TRIM39: variants seen among roughly 807,000 people sequenced by gnomAD.
TRIM39 encodes E3 ubiquitin-protein ligase TRIM39.
In TRIM39, 5 loss-of-function variants were observed where a neutral mutation model predicts 53.6. The observed-to-expected ratio is 0.09, with a 90% CI of 0.05 to 0.20. TRIM39 has a LOEUF of 0.20. Ranked by LOEUF, TRIM39 falls within the 10% of genes least tolerant of loss-of-function variation. TRIM39 has a pLI of 1.00. For synonymous variants in TRIM39, 196 were observed against 237.6 expected, an observed-to-expected ratio of 0.82 and a Z score of 1.61; for missense variants, 310 against 621.0, an observed-to-expected ratio of 0.50 and a Z score of 5.32.
chr6:30,333,231 A>G (rs1415222813), intron 4 of TRIM39, among the ~76,000 whole-genome samples: 1 of 152,102 alleles, frequency 6.6e-6, no homozygotes, highest in African/African-American at 2.4e-5. Context: ...TAACAATATA[A>G]TCTTGGGTTT....
At chr6:30,340,667 A>G (rs867800553) in intron 7 of TRIM39, 47 bp downstream of exon 7, 1 of 1,582,422 alleles carries the variant, frequency 6.3e-7, no homozygotes, top group Non-Finnish European at 8.6e-7. Flanking sequence ...TAGAGAGAAG[A>G]AAGTTTTTAG....
At position 30,339,695 on chromosome 6, in the gene TRIM39, A is replaced by G. The variant is rs1787268834; in HGVS notation, c.781-213A>G. 6.6e-6 allele frequency among the ~76,000 whole-genome samples: 1 copy of G among 152,210 alleles called. No individual in the cohort carries two copies. The highest frequency in any genetic ancestry group is 1.5e-5 in the Non-Finnish European group (1 of 68,038). On this transcript the variant is annotated intron_variant, in intron 5 of 7. Coordinates refer to ENST00000396551, the Ensembl canonical transcript of TRIM39. The surrounding 1 kb of genome is among the most constrained non-coding windows in gnomAD (Gnocchi z 4.2). ...AAATCATTGGGAAGTGATATAAATGACCAAGCTTCATGATGACCAGAAGTT... is the reference window on the plus strand; with the variant it reads ...AAATCATTGGGAAGTGATATAAATGGCCAAGCTTCATGATGACCAGAAGTT...
intron 1 of TRIM39, among the ~76,000 whole-genome samples, chr6:30,328,040 G>A (rs1197583824): frequency 2.0e-4 from 30 of 152,202 alleles, no homozygotes; most frequent in Admixed American, 1.9e-3. Flanking sequence ...ACTTACCCAT[G>A]GCTAAAAGTA....
chr6:30,340,299 A>G (rs527583830), intron 6 of TRIM39: 3 of 1,612,952 alleles, frequency 1.9e-6, no homozygotes, highest in South Asian at 2.2e-5. Context: ...TCGGAGGCTC[A>G]CTCTCAACGA....
Position 30,342,374 on chromosome 6 carries a change from GGAGA to G in TRIM39, c.*116_*119del. On this transcript the variant is annotated 3_prime_UTR_variant, in exon 8 of 8. Coordinates refer to ENST00000396551, the Ensembl canonical transcript of TRIM39. This position sits in a 1 kb window ranked among gnomAD's most constrained non-coding sequence, Gnocchi z 4.7. ...CCTGGGTCCAGTCCTGAATCATCTTGGAGAAACACCTTGGTTTCTAGGATGGTTT... is the reference window on the plus strand; with the variant it reads ...CCTGGGTCCAGTCCTGAATCATCTTGAACACCTTGGTTTCTAGGATGGTTT... 1 of 1,115,500 alleles carries G rather than the reference GGAGA, an allele frequency of 9.0e-7. No individual in the cohort carries two copies. The highest frequency in any genetic ancestry group is 1.5e-5 in the South Asian group (1 of 66,900). 69.1% of individuals were successfully genotyped at this position (1,115,500 alleles called of 1,614,324 possible).
intron 4 of TRIM39, among the ~76,000 whole-genome samples, chr6:30,332,951 AT>A (rs1490310335): frequency 2.6e-5 from 4 of 152,216 alleles, no homozygotes; most frequent in Non-Finnish European, 4.4e-5. Flanking sequence ...ATAATGTTAA[AT>A]TTTAAAGAGT....
chr6:30,330,829 A>T, exon 4 of TRIM39: 2 of 1,614,176 alleles, frequency 1.2e-6, no homozygotes, highest in South Asian at 1.1e-5. Flanking sequence ...GCTGCAGGAG[A>T]TCACTCGCTG....
At chr6:30,326,716 G>C (rs1317677283) in exon 1 of TRIM39, 1 of 152,984 alleles carries the variant, frequency 6.5e-6, no homozygotes, top group African/African-American at 2.4e-5. Flanking sequence ...CTGGACGCCA[G>C]CATCTCAGCC....
chr6:30,337,871 A>G (rs1787054881), intron 5 of TRIM39, among the ~76,000 whole-genome samples: 1 of 152,234 alleles, frequency 6.6e-6, no homozygotes, highest in African/African-American at 2.4e-5. Flanking sequence ...TGTTTAGTGT[A>G]GCCACCTTCA....
At chr6:30,334,272 C>G (rs1466367003) in intron 4 of TRIM39, among the ~76,000 whole-genome samples, 1 of 150,286 alleles carries the variant, frequency 6.7e-6, no homozygotes, top group Non-Finnish European at 1.5e-5. Context: ...CTGCTTCTCA[C>G]TTTGCTTCAT....
In TRIM39 at chr6:30,339,784, T is replaced by A; in HGVS notation, c.781-124T>A. On this transcript the variant is annotated intron_variant, in intron 5 of 7. Coordinates refer to ENST00000396551, the Ensembl canonical transcript of TRIM39. The surrounding 1 kb of genome is among the most constrained non-coding windows in gnomAD (Gnocchi z 4.2). The stretch of plus-strand genomic sequence containing the variant: ...CCGCTGGAGCTCTTCTTGCACTGTG[T>A]GACCCTCAGTTTATCCTATCCCTAT... 2 of 1,340,688 alleles carry A rather than the reference T, an allele frequency of 1.5e-6. No individual in the cohort carries two copies. The allele number at this position is 1,340,688 out of a possible 1,614,324, so 83.0% of individuals were successfully genotyped here.
chr6:30,341,731 T>C (rs2074474), exon 8 of TRIM39: 407,136 of 1,611,674 alleles, frequency 0.25, 56,734 homozygotes, highest in East Asian at 0.52. Context: ...CCCTGGACCC[T>C]GAGACAGCTC....
At position 30,335,303 on chromosome 6, in the gene TRIM39, G is replaced by A. The variant is rs895550205; in HGVS notation, c.550-442G>A. Reference sequence around the variant, plus strand: ...CATTTTCTTTCTTTCTTTTCTTTCTGTCTTTGTCTTTCTGTCTTTCTTTCC... The same window carrying A: ...CATTTTCTTTCTTTCTTTTCTTTCTATCTTTGTCTTTCTGTCTTTCTTTCC... On this transcript the variant is annotated intron_variant, in intron 4 of 7. Coordinates refer to ENST00000396551, the Ensembl canonical transcript of TRIM39. The surrounding 1 kb of genome is among the most constrained non-coding windows in gnomAD (Gnocchi z 4.7). Among the ~76,000 whole-genome samples the A allele has an allele frequency of 6.6e-6, 1 of 151,798 alleles. No homozygotes were observed. The highest frequency in any genetic ancestry group is 1.5e-5 in the Non-Finnish European group (1 of 67,968).
chr6:30,329,861 A>G (rs1785907391), intron 3 of TRIM39, 91 bp downstream of exon 3: 2 of 1,476,964 alleles, frequency 1.4e-6, no homozygotes, highest in African/African-American at 1.4e-5. Context: ...GTAAGCTCCT[A>G]CTACTCACTT....
At chr6:30,332,540 GC>G (rs1209994017) in intron 4 of TRIM39, among the ~76,000 whole-genome samples, 14 of 152,172 alleles carry the variant, frequency 9.2e-5, no homozygotes, top group Admixed American at 9.2e-4. Context: ...ATACATTTTA[GC>G]AAAGTAAGCA....
chr6:30,339,798 T>C lies in TRIM39; in HGVS notation c.781-110T>C. The C allele has an allele frequency of 6.8e-7, 1 of 1,462,154 alleles. No homozygotes were observed. Among genetic ancestry groups the C allele is most frequent in the Non-Finnish European group, 9.5e-7 (1 of 1,054,898 alleles). 90.6% of individuals were successfully genotyped at this position (1,462,154 alleles called of 1,614,324 possible). ...CTTGCACTGTGTGACCCTCAGTTTA[T>C]CCTATCCCTATTTTATAGCTGTGGA... On this transcript the variant is annotated intron_variant, in intron 5 of 7. Transcript: ENST00000396551. This position sits in a 1 kb window ranked among gnomAD's most constrained non-coding sequence, Gnocchi z 4.2.
At chr6:30,328,133 G>A (rs763859456) in intron 1 of TRIM39, among the ~76,000 whole-genome samples, 7 of 152,326 alleles carry the variant, frequency 4.6e-5, no homozygotes, top group East Asian at 1.9e-4. Context: ...CTGAGGCTGC[G>A]CTTGAGGGAG....
Position 30,342,263 on chromosome 6 carries a change from G to A in TRIM39, c.*4G>A. On this transcript the variant is annotated 3_prime_UTR_variant, in exon 8 of 8. Coordinates refer to ENST00000396551, the Ensembl canonical transcript of TRIM39. This position sits in a 1 kb window ranked among gnomAD's most constrained non-coding sequence, Gnocchi z 4.7. ...GCCCCCAACAGATTGGGAGTGACAG[G>A]TTGGGATGTGGGAATGACTGGGGTG... 1 of 1,611,752 alleles carries A rather than the reference G, an allele frequency of 6.2e-7. No homozygotes were observed. Among genetic ancestry groups the A allele is most frequent in the Non-Finnish European group, 8.5e-7 (1 of 1,179,194 alleles).
exon 3 of TRIM39, chr6:30,329,596 G>T (rs1261946379): frequency 6.2e-7 from 1 of 1,613,004 alleles, no homozygotes; most frequent in African/African-American, 1.3e-5. Flanking sequence ...TTGCCAAGCA[G>T]CTCCAGGCCG....
Sources: allele counts gnomAD v4.1 joint callset (sites outside exome capture counted in the v4.1 genomes callset), GRCh38; gene constraint gnomAD v4.1.1; non-coding constraint Gnocchi (gnomAD v3.1); transcripts MANE v1.5; gene names NCBI Gene and HGNC (gene_info 2026-07-23, HGNC 2026-07-21).